ANKRD30A: variants seen among roughly 807,000 people sequenced by gnomAD.
The protein encoded by ANKRD30A is ankyrin repeat domain 30A.
Under a neutral mutation model 166.3 loss-of-function variants are expected in ANKRD30A, and 170 were observed. The observed-to-expected ratio is 1.02, with a 90% confidence interval of 0.90 to 1.16. The LOEUF (loss-of-function observed/expected upper bound fraction) is 1.16. Ranked by LOEUF, ANKRD30A falls within the 50% of genes most tolerant of loss-of-function variation. The probability of loss-of-function intolerance (pLI) is 0.00; values close to 1 mark genes in which losing one functional copy is unlikely to be tolerated. For synonymous variants in ANKRD30A, 564 were observed against 508.9 expected, an observed-to-expected ratio of 1.11 and a Z score of -1.46; for missense variants, 1,630 against 1,518.0, an observed-to-expected ratio of 1.07 and a Z score of -1.23.
At chr10:37,220,914 G>C (rs528036259) in intron 34 of ANKRD30A, among the ~76,000 whole-genome samples, 2 of 151,186 alleles carry the variant, frequency 1.3e-5, no homozygotes, top group Non-Finnish European at 3.0e-5. Context: ...TTCTGAGATA[G>C]AAATCTATTG....
the ANKRD30A span, among the ~76,000 whole-genome samples, chr10:37,265,173 T>C: frequency 6.6e-6 from 1 of 152,220 alleles, no homozygotes; most frequent in Non-Finnish European, 1.5e-5. Flanking sequence ...AATATCTTTT[T>C]ATTTTTTTCT....
chr10:37,217,995 C>T, intron 33 of ANKRD30A, 117 bp downstream of exon 33: 1 of 657,418 alleles, frequency 1.5e-6, no homozygotes, highest in African/African-American at 1.9e-5. Context: ...AAAATGTTGT[C>T]TTAAAATTAA....
At chr10:37,201,097 T>TA (rs398046002) in intron 30 of ANKRD30A, 138 bp from the exon 31 acceptor site, 10 of 543,362 alleles carry the variant, frequency 1.8e-5, no homozygotes, top group Admixed American at 4.4e-5. Context: ...TGTTTTTTTT[T>TA]ATACGTGTCT....
At chr10:37,195,037 A>G (rs1402437017) in intron 27 of ANKRD30A, among the ~76,000 whole-genome samples, 2 of 152,180 alleles carry the variant, frequency 1.3e-5, no homozygotes, top group Middle Eastern at 3.2e-3. Context: ...TTTAGTTTAC[A>G]CTTCTTAGAA....
chr10:37,230,808 A>C (rs1843381528), intron 34 of ANKRD30A, among the ~76,000 whole-genome samples: 1 of 152,074 alleles, frequency 6.6e-6, no homozygotes, highest in Admixed American at 6.6e-5. Context: ...AGGGATGTAC[A>C]ATTCACAAAA....
Position 37,149,823 on chromosome 10 carries a change from T to C in ANKRD30A, c.1619T>C (p.Leu540Ser), listed in dbSNP as rs1415050461. ...QNSVPNKAFE[L>S]KNEQTLRADP... Reference sequence around the variant, plus strand: ...TCTGTTCCAAATAAAGCCTTTGAATTGAAGAATGAACAAACATTGAGAGCA... The same window carrying C: ...TCTGTTCCAAATAAAGCCTTTGAATCGAAGAATGAACAAACATTGAGAGCA... Residue 540 changes from leucine (L) to serine (S), a missense_variant, in exon 11 of 36, where the codon TTG becomes TCG. By Grantham distance (145) the Leu-to-Ser change is moderately radical. Transcript: ENST00000361713. The C allele has an allele frequency of 1.2e-6, 2 of 1,612,878 alleles. No individual in the cohort carries two copies. Among genetic ancestry groups the C allele is most frequent in the Admixed American group, 3.3e-5 (2 of 59,966 alleles).
At chr10:37,260,314 G>T in the ANKRD30A span, among the ~76,000 whole-genome samples, 23 of 152,152 alleles carry the variant, frequency 1.5e-4, no homozygotes, top group African/African-American at 5.1e-4. Flanking sequence ...TATTTAACTT[G>T]CTCCCTTCCT....
chr10:37,239,990 G>A, the ANKRD30A span, among the ~76,000 whole-genome samples: 1,434 of 152,060 alleles, frequency 9.4e-3, 28 homozygotes, highest in African/African-American at 0.033. Context: ...AAGGTACATT[G>A]CAAAATTTAT....
At chr10:37,263,892 G>C in the ANKRD30A span, among the ~76,000 whole-genome samples, 1 of 152,182 alleles carries the variant, frequency 6.6e-6, no homozygotes, top group South Asian at 2.1e-4. Context: ...GCAGTGAGAA[G>C]TGGTCAGAGC....
At chr10:37,254,769 C>T in the ANKRD30A span, among the ~76,000 whole-genome samples, 5 of 150,792 alleles carry the variant, frequency 3.3e-5, no homozygotes, top group South Asian at 4.2e-4. Flanking sequence ...CTGCAAGCTC[C>T]GCCTCCCGGG....
At chr10:37,218,661 A>G (rs1371359686) in intron 33 of ANKRD30A, among the ~76,000 whole-genome samples, 3 of 150,966 alleles carry the variant, frequency 2.0e-5, no homozygotes, top group Admixed American at 1.3e-4. Flanking sequence ...ATGTAGTCAA[A>G]TTGATTTATC....
chr10:37,231,421 A>C (rs755790993), intron 34 of ANKRD30A, 40 bp from the exon 35 acceptor site: 1 of 1,555,162 alleles, frequency 6.4e-7, no homozygotes, highest in Non-Finnish European at 8.7e-7. Context: ...ATGTAGGAAA[A>C]AATAAAATAC....
chr10:37,178,423 C>T (rs1449080971), intron 24 of ANKRD30A: 1 of 666,346 alleles, frequency 1.5e-6, no homozygotes, highest in South Asian at 6.1e-5. Context: ...ACAATTCACA[C>T]TGAGATTCAG....
At chr10:37,216,450 G>C (rs559487155) in intron 32 of ANKRD30A, 56 bp downstream of exon 32, 1 of 1,475,726 alleles carries the variant, frequency 6.8e-7, no homozygotes, top group Non-Finnish European at 9.1e-7. Flanking sequence ...AAACTACGTA[G>C]GATACTTTTT....
At chr10:37,208,289 TC>T (rs1037210324) in intron 31 of ANKRD30A, among the ~76,000 whole-genome samples, 184 of 152,248 alleles carry the variant, frequency 1.2e-3, no homozygotes, top group African/African-American at 4.4e-3. Context: ...GTTTTGTCAG[TC>T]CAGTCCAGCT....
At chr10:37,191,869 CCTGTAGTCCCAGCTACTCCGGAGG>C (rs1371805733) in intron 25 of ANKRD30A, among the ~76,000 whole-genome samples, 2 of 151,916 alleles carry the variant, frequency 1.3e-5, no homozygotes, top group African/African-American at 4.8e-5. Context: ...GTGGTGGGTG[CCTGTAGTCCCAGCTACTCCGGAGG>C]CTGAGACAAA....
chr10:37,201,244 G>T lies in ANKRD30A; in HGVS notation c.2788G>T (p.Glu930Ter). The T allele has an allele frequency of 6.3e-7, 1 of 1,580,418 alleles. No individual in the cohort carries two copies. Among genetic ancestry groups the T allele is most frequent in the Non-Finnish European group, 8.6e-7 (1 of 1,166,030 alleles). The stretch of plus-strand genomic sequence containing the variant: ...ATATTACTTTTAACAGAGTCTCCGT[G>T]AGACTGTTTCACAGAAGGATGTGTG... ...ENSWDSESLR[E>*]TVSQKDVCVP... is the part of the protein sequence containing the mutation. The change falls in exon 31 of 36, where the codon GAG (glutamate) becomes TAG (stop). Residue 930 changes from glutamate (E) to a stop codon, truncating the protein, a stop_gained. Coordinates refer to ENST00000361713, the MANE Select transcript of ANKRD30A (RefSeq NM_052997.3). LOFTEE classifies it high-confidence loss of function.
chr10:37,128,335 T>C (rs1473127554), intron 1 of ANKRD30A, among the ~76,000 whole-genome samples: 1 of 152,078 alleles, frequency 6.6e-6, no homozygotes, highest in Non-Finnish European at 1.5e-5. Context: ...ATGTGAAATT[T>C]GCACAGATAA....
At chr10:37,245,307 C>T in the ANKRD30A span, among the ~76,000 whole-genome samples, 5 of 152,026 alleles carry the variant, frequency 3.3e-5, no homozygotes, top group Non-Finnish European at 7.4e-5. Context: ...TCTTGCTAAA[C>T]TCCTTGTTAT....
Sources: allele counts gnomAD v4.1 joint callset (sites outside exome capture counted in the v4.1 genomes callset), GRCh38; gene constraint gnomAD v4.1.1; transcripts MANE v1.5; gene names NCBI Gene and HGNC (gene_info 2026-07-23, HGNC 2026-07-21).